The following IRS1 variants were observed in gnomAD, a reference collection of about 807,000 sequenced individuals.
IRS1 encodes insulin receptor substrate 1.
In IRS1, 34 loss-of-function variants were observed where a neutral mutation model predicts 65.6. The observed-to-expected ratio is 0.52, with a 90% CI of 0.39 to 0.69. IRS1 has a LOEUF of 0.69. Ranked by LOEUF, IRS1 falls within the 30% of genes least tolerant of loss-of-function variation. The probability of loss-of-function intolerance (pLI) is 0.00; values close to 1 mark genes in which losing one functional copy is unlikely to be tolerated. For synonymous variants in IRS1, 699 were observed against 683.5 expected (o/e 1.02, Z -0.35); for missense variants, 1,641 against 1,720.2 (o/e 0.95, Z 0.81).
At position 226,796,456 on chromosome 2, in the gene IRS1, G is replaced by C; in HGVS notation, c.2283C>G (p.Val761=). ...ATCTTGGCAATGAGTAGTAGGAGAG[G>C]ACTGGCTTGTGCTGGGGGTCCTCAG... ...YGPEDPQHKP[V]LSYYSLPRSF... Residue 761 remains valine, a synonymous_variant, in exon 1 of 2, where the codon GTC becomes GTG. Coordinates refer to ENST00000305123, the MANE Select transcript of IRS1 (RefSeq NM_005544.3). 6.2e-7 allele frequency: 1 copy of C among 1,613,822 alleles called. No individual in the cohort carries two copies. Among genetic ancestry groups the C allele is most frequent in the South Asian group, 1.1e-5 (1 of 91,092 alleles).
chr2:226,759,097 C>T (rs192244088), intron 1 of IRS1, among the ~76,000 whole-genome samples: 86 of 152,242 alleles, frequency 5.6e-4, no homozygotes, highest in African/African-American at 2.0e-3. Context: ...TGCCTGTGTC[C>T]GGGGCTGGTG....
intron 1 of IRS1, among the ~76,000 whole-genome samples, chr2:226,750,379 T>C (rs558751598): frequency 1.7e-4 from 26 of 151,848 alleles, no homozygotes; most frequent in Non-Finnish European, 2.6e-4. Context: ...ATAGCATAAC[T>C]ATTTAGAGAA....
In IRS1 at chr2:226,734,806, C is replaced by T. The variant is rs912804191; in HGVS notation, c.*1466G>A. 8.5e-5 allele frequency: 13 copies of T among 152,178 alleles called. No homozygotes were observed. Among genetic ancestry groups the T allele is most frequent in the African/African-American group, 2.9e-4 (12 of 41,436 alleles). The allele number at this position is 152,178 out of a possible 1,614,324, so 9.4% of individuals were successfully genotyped here. A position where few individuals can be genotyped will look rare whatever the true frequency, so the allele number is the denominator to read the frequency against. On this transcript the variant is annotated 3_prime_UTR_variant, in exon 2 of 2. Transcript: ENST00000305123. ...TTTTCACGTGGAAAAAATTCCAAGA[C>T]GTGTATACTTTCCAAACAAGAAAAG... is the stretch of plus-strand genomic sequence containing the variant.
intron 1 of IRS1, among the ~76,000 whole-genome samples, chr2:226,785,314 C>G (rs746922326): frequency 6.6e-6 from 1 of 151,980 alleles, no homozygotes; most frequent in Non-Finnish European, 1.5e-5. Context: ...ACTTAAGACA[C>G]TTTTCTGGCC....
chr2:226,755,945 C>G (rs1938788410), intron 1 of IRS1, among the ~76,000 whole-genome samples: 1 of 152,246 alleles, frequency 6.6e-6, no homozygotes, highest in Admixed American at 6.5e-5. Flanking sequence ...GTTTAAAATT[C>G]TAGTTTGTAA....
chr2:226,795,645 C>A lies in IRS1; in HGVS notation c.3094G>T (p.Ala1032Ser). Reference sequence around the variant, plus strand: ...GCTGCTGAGGATGAGGAGGCAGCAGCCATGGTGGCCCTGGGCAGGCTCACC... The same window carrying A: ...GCTGCTGAGGATGAGGAGGCAGCAGACATGGTGGCCCTGGGCAGGCTCACC... ...EEVSLPRATM[A>S]AASSSSAASA... Residue 1032 changes from alanine (A) to serine (S), a missense_variant, in exon 1 of 2, where the codon GCT becomes TCT. Around this residue, in one of 3 missense-constraint regions of IRS1, gnomAD observed 1,324 missense variants for 1,361.0 expected, o/e 0.97. Coordinates refer to ENST00000305123, the MANE Select transcript of IRS1 (RefSeq NM_005544.3). 1 of 1,612,896 alleles carries A rather than the reference C, an allele frequency of 6.2e-7. No individual in the cohort carries two copies. Among genetic ancestry groups the A allele is most frequent in the South Asian group, 1.1e-5 (1 of 91,086 alleles).
rs1055135939 is a variant in IRS1, at chr2:226,794,691, G to A, written c.*21+298C>T. On this transcript the variant is annotated intron_variant, in intron 1 of 1. Transcript: ENST00000305123. The surrounding 1 kb of genome is among the most constrained non-coding windows in gnomAD (Gnocchi z 4.1). The stretch of plus-strand genomic sequence containing the variant: ...TCAACAAACAAATCAAGCTTCTTAC[G>A]GAGGAACTCTACAAAACGCAGAACT... 2.6e-5 allele frequency among the ~76,000 whole-genome samples: 4 copies of A among 152,176 alleles called. No individual in the cohort carries two copies. The highest frequency in any genetic ancestry group is 2.0e-4 in the Admixed American group (3 of 15,274).
At chr2:226,741,759 A>G (rs1257693747) in intron 1 of IRS1, among the ~76,000 whole-genome samples, 1 of 150,306 alleles carries the variant, frequency 6.7e-6, no homozygotes, top group East Asian at 2.0e-4. Context: ...CATTCAGCAT[A>G]CCTGAATCTG....
chr2:226,773,467 C>G (rs757406156), intron 1 of IRS1, among the ~76,000 whole-genome samples: 3 of 151,788 alleles, frequency 2.0e-5, no homozygotes, highest in Non-Finnish European at 1.5e-5. Context: ...TCACTGTAAT[C>G]TGTATGATCT....
intron 1 of IRS1, among the ~76,000 whole-genome samples, chr2:226,753,634 G>A (rs913196324): frequency 3.9e-5 from 6 of 152,024 alleles, no homozygotes; most frequent in African/African-American, 1.2e-4. Context: ...TACCAAGAAA[G>A]GATCTATAAG....
In IRS1 at chr2:226,734,057, T is replaced by A. The variant is rs1938279944; in HGVS notation, c.*2215A>T. ...ATAACCAGCTTTACAGGAAAATGGT[T>A]GGGAGTGACTTTGTTCATTGATTTC... On this transcript the variant is annotated 3_prime_UTR_variant, in exon 2 of 2. Transcript: ENST00000305123. The A allele has an allele frequency of 6.6e-6, 1 of 152,150 alleles. No homozygotes were observed. Among genetic ancestry groups the A allele is most frequent in the Admixed American group, 6.5e-5 (1 of 15,280 alleles). The allele number at this position is 152,150 out of a possible 1,614,324, so 9.4% of individuals were successfully genotyped here. A position where few individuals can be genotyped will look rare whatever the true frequency, so the allele number is the denominator to read the frequency against.
chr2:226,766,755 G>T (rs1249121412), intron 1 of IRS1, among the ~76,000 whole-genome samples: 1 of 152,118 alleles, frequency 6.6e-6, no homozygotes, highest in Non-Finnish European at 1.5e-5. Flanking sequence ...GAATATTTTT[G>T]TGTCTTCTGC....
In IRS1 at chr2:226,766,163, A is replaced by ATTTTTTTTTTTTTT. The variant is rs5839180; in HGVS notation, c.*21+28812_*21+28825dup. ...TATATATATATATATATATATATAT[A>ATTTTTTTTTTTTTT]TTTTTTTTTTTTTTTTTTGAGACAG... On this transcript the variant is annotated intron_variant, in intron 1 of 1. Coordinates refer to ENST00000305123, the MANE Select transcript of IRS1 (RefSeq NM_005544.3). 5.2e-3 allele frequency among the ~76,000 whole-genome samples: 24 copies of ATTTTTTTTTTTTTT among 4,598 alleles called. 6 individuals carry two copies. The highest frequency in any genetic ancestry group is 0.013 in the Admixed American group (2 of 152). 3.0% of individuals were successfully genotyped at this position (4,598 alleles called of 152,430 possible). A position where few individuals can be genotyped will look rare whatever the true frequency, so the allele number is the denominator to read the frequency against.
intron 1 of IRS1, among the ~76,000 whole-genome samples, chr2:226,785,832 C>T (rs192247990): frequency 0.084 from 11,951 of 143,044 alleles, 610 homozygotes; most frequent in South Asian, 0.17. Flanking sequence ...CATGCTGGTG[C>T]GCTGCACCCA....
Position 226,796,389 on chromosome 2 carries a change from C to A in IRS1, c.2350G>T (p.Ala784Ser), listed in dbSNP as rs771593061. 1.6e-5 allele frequency: 26 copies of A among 1,613,306 alleles called. No individual in the cohort carries two copies. Among genetic ancestry groups the A allele is most frequent in the Non-Finnish European group, 1.9e-5 (23 of 1,180,038 alleles). ...TQRPGEPEEGARHQHLRLSTS... is the reference protein window; with the variant it reads ...TQRPGEPEEGSRHQHLRLSTS... ...GAAAGGCGGAGGTGCTGATGCCGGG[C>A]ACCCTCCTCCGGCTCCCCGGGGCGC... Residue 784 changes from alanine to serine, a missense_variant, in exon 1 of 2, where the codon GCC becomes TCC. Physicochemically the swap from Ala to Ser is moderately conservative, Grantham distance 99. Coordinates refer to ENST00000305123, the MANE Select transcript of IRS1 (RefSeq NM_005544.3).
chr2:226,755,486 T>C (rs1323142950), intron 1 of IRS1, among the ~76,000 whole-genome samples: 1 of 152,254 alleles, frequency 6.6e-6, no homozygotes, highest in Admixed American at 6.5e-5. Flanking sequence ...CTGAGAGCTA[T>C]AATTAAGTGT....
chr2:226,783,964 G>C (rs1004962278), intron 1 of IRS1, among the ~76,000 whole-genome samples: 6 of 152,020 alleles, frequency 3.9e-5, no homozygotes, highest in African/African-American at 1.4e-4. Flanking sequence ...TCAATAGCAA[G>C]CACCAACTGA....
rs1225686833 is a variant in IRS1 at position 226,732,026 on chromosome 2, CA to C, written c.*4245del. 1 of 152,174 alleles carries C rather than the reference CA, an allele frequency of 6.6e-6. No individual in the cohort carries two copies. The highest frequency in any genetic ancestry group is 1.5e-5 in the Non-Finnish European group (1 of 68,028). The allele number at this position is 152,174 out of a possible 1,614,324, so 9.4% of individuals were successfully genotyped here. A position where few individuals can be genotyped will look rare whatever the true frequency, so the allele number is the denominator to read the frequency against. On this transcript the variant is annotated 3_prime_UTR_variant, in exon 2 of 2. Transcript: ENST00000305123. Reference sequence around the variant, plus strand: ...TACGTCACAAATGGCAAGTCATACACAAACTAGAAAAGAAAGCTAACTCTCC... The same window carrying C: ...TACGTCACAAATGGCAAGTCATACACAACTAGAAAAGAAAGCTAACTCTCC...
chr2:226,777,424 AG>A (rs1939295728), intron 1 of IRS1, among the ~76,000 whole-genome samples: 1 of 152,238 alleles, frequency 6.6e-6, no homozygotes, highest in Admixed American at 6.5e-5. Flanking sequence ...ACCTATTTAA[AG>A]TTCCTTACCA....
Sources: allele counts gnomAD v4.1 joint callset (sites outside exome capture counted in the v4.1 genomes callset), GRCh38; gene constraint gnomAD v4.1.1; regional missense constraint gnomAD v4.1.1; non-coding constraint Gnocchi (gnomAD v3.1); transcripts MANE v1.5; gene names NCBI Gene and HGNC (gene_info 2026-07-23, HGNC 2026-07-21).